Variants in SIN3A observed in about 807,000 individuals in gnomAD.
The protein encoded by SIN3A is paired amphipathic helix protein Sin3a.
A neutral mutation model predicts 146.1 loss-of-function variants in SIN3A; 14 were observed. The observed-to-expected ratio is 0.10, with a 90% confidence interval of 0.06 to 0.15. The LOEUF is 0.15. Ranked by LOEUF, SIN3A falls within the 10% of genes least tolerant of loss-of-function variation. The pLI, the probability that SIN3A is intolerant of heterozygous loss-of-function variation, is 1.00. For synonymous variants in SIN3A, 572 were observed against 572.0 expected, an observed-to-expected ratio of 1.00 and a Z score of 0.00; for missense variants, 1,028 against 1,576.0, an observed-to-expected ratio of 0.65 and a Z score of 5.89.
chr15:75,423,160 C>T (rs1361708711), intron 2 of SIN3A, among the ~76,000 whole-genome samples: 2 of 151,896 alleles, frequency 1.3e-5, no homozygotes, highest in Non-Finnish European at 2.9e-5. Flanking sequence ...CACCTGTGGT[C>T]CCACCTACTC....
Position 75,370,511 on chromosome 15 carries a change from CTAGTT to C in SIN3A, c.*1463_*1467del, listed in dbSNP as rs1265476626. On this transcript the variant is annotated 3_prime_UTR_variant, in exon 21 of 21. Transcript: ENST00000394947. ...CTAATCATTCATGTTTAAATGTCTG[CTAGTT>C]TAAATTTATGTAATTAAAAAAATAG... 1 of 152,120 alleles carries C rather than the reference CTAGTT, an allele frequency of 6.6e-6. No individual in the cohort carries two copies. Among genetic ancestry groups the C allele is most frequent in the South Asian group, 2.1e-4 (1 of 4,830 alleles). 9.4% of individuals were successfully genotyped at this position (152,120 alleles called of 1,614,324 possible).
intron 1 of SIN3A, among the ~76,000 whole-genome samples, chr15:75,442,028 G>C (rs886585590): frequency 7.1e-6 from 1 of 141,842 alleles, no homozygotes; most frequent in Admixed American, 7.7e-5. Flanking sequence ...GCTGAGGCAG[G>C]AGAATCGCTT....
At chr15:75,405,194 T>G (rs1595903159) in intron 9 of SIN3A, among the ~76,000 whole-genome samples, 1 of 145,888 alleles carries the variant, frequency 6.9e-6, no homozygotes, top group Non-Finnish European at 1.5e-5. Context: ...CAGTGAAACC[T>G]CATCTCTACT....
intron 12 of SIN3A, among the ~76,000 whole-genome samples, chr15:75,399,533 A>C (rs2073371713): frequency 7.4e-6 from 1 of 134,256 alleles, no homozygotes; most frequent in Admixed American, 7.2e-5. Context: ...GTCTCAAAAA[A>C]ACAAAACAAA....
At chr15:75,378,134 A>G (rs1221837300) in intron 19 of SIN3A, among the ~76,000 whole-genome samples, 3 of 152,256 alleles carry the variant, frequency 2.0e-5, no homozygotes, top group Non-Finnish European at 4.4e-5. Context: ...TTATTTTCCA[A>G]ATAGCCAATT....
chr15:75,372,668 A>C (rs1051155887), intron 20 of SIN3A, among the ~76,000 whole-genome samples: 2 of 151,882 alleles, frequency 1.3e-5, no homozygotes, highest in African/African-American at 4.8e-5. Context: ...CAAAAATACA[A>C]ATAATAACTG....
chr15:75,380,871 G>A, intron 18 of SIN3A, 148 bp from the exon 19 acceptor site: 3 of 614,622 alleles, frequency 4.9e-6, no homozygotes, highest in Admixed American at 2.4e-5. Context: ...AGACATGATT[G>A]TTAGTAGGTA....
intron 9 of SIN3A, among the ~76,000 whole-genome samples, 190 bp downstream of exon 9, chr15:75,406,865 C>T (rs2073526347): frequency 6.6e-6 from 1 of 152,174 alleles, no homozygotes; most frequent in Non-Finnish European, 1.5e-5. Context: ...CCAAAGCAAA[C>T]AATGCTACCA....
chr15:75,422,875 C>A, intron 2 of SIN3A, 52 bp from the exon 3 acceptor site: 1 of 1,541,134 alleles, frequency 6.5e-7, no homozygotes, highest in Non-Finnish European at 8.9e-7. Flanking sequence ...ACATTCTTCC[C>A]CAAATGAGTC....
In SIN3A at chr15:75,441,933, A is replaced by T. The variant is rs575804008; in HGVS notation, c.-34+9490T>A. 9.5e-4 allele frequency among the ~76,000 whole-genome samples: 144 copies of T among 151,972 alleles called. 5 individuals carry two copies. The South Asian group carries it at 0.03, about 31-fold the overall frequency. ...CAGGAGATTGAGACCATCCTGGCTA[A>T]AACGGTGAAACCCCATCTGTACCAA... On this transcript the variant is annotated intron_variant, in intron 1 of 20. Transcript: ENST00000394947.
chr15:75,409,254 A>T (rs909084103), intron 8 of SIN3A, among the ~76,000 whole-genome samples: 1 of 152,134 alleles, frequency 6.6e-6, no homozygotes, highest in African/African-American at 2.4e-5. Flanking sequence ...TCTTAGTAGC[A>T]ACCAAAACAT....
Position 75,392,841 on chromosome 15 carries a change from T to C in SIN3A, c.2278-26A>G, listed in dbSNP as rs970907957. 2.7e-6 allele frequency: 4 copies of C among 1,507,886 alleles called. No individual in the cohort carries two copies. In the Admixed American group the frequency reaches 5.3e-5, roughly 20 times the overall value. 93.4% of individuals were successfully genotyped at this position (1,507,886 alleles called of 1,614,324 possible). A position where few individuals can be genotyped will look rare whatever the true frequency, so the allele number is the denominator to read the frequency against. ...CTGATGGGACAGAGACACAAAAGTA[T>C]TCTGTGAGATGTCTACAGCGACAAC... On this transcript the variant is annotated intron_variant, in intron 14 of 20. Coordinates refer to ENST00000394947, the MANE Select transcript of SIN3A (RefSeq NM_001145358.2).
Position 75,410,310 on chromosome 15 carries a change from G to C in SIN3A, c.1009-24C>G, listed in dbSNP as rs376755436. 3.7e-4 allele frequency: 596 copies of C among 1,608,142 alleles called. 1 individual carries two copies. The highest frequency in any genetic ancestry group is 3.9e-4 in the Non-Finnish European group (463 of 1,177,194). ...TTCTGAGGAATTGCAAATGAAAAGA[G>C]ATCATTTGGGCTACTGTTTTGAGTC... On this transcript the variant is annotated intron_variant, in intron 6 of 20. Transcript: ENST00000394947.
At chr15:75,428,249 C>T (rs1444468138) in intron 2 of SIN3A, among the ~76,000 whole-genome samples, 3 of 152,130 alleles carry the variant, frequency 2.0e-5, no homozygotes, top group Admixed American at 2.0e-4. Flanking sequence ...GACTGGTTTC[C>T]AACAGGTTAA....
chr15:75,441,190 A>C (rs905272348), intron 1 of SIN3A, among the ~76,000 whole-genome samples: 1 of 151,836 alleles, frequency 6.6e-6, no homozygotes, highest in East Asian at 1.9e-4. Context: ...TGTGCCTATA[A>C]TCCCAGCTAC....
chr15:75,449,525 TCTG>T (rs1177365068), intron 1 of SIN3A, among the ~76,000 whole-genome samples: 1 of 152,210 alleles, frequency 6.6e-6, no homozygotes, highest in Non-Finnish European at 1.5e-5. Flanking sequence ...CTAATGTGGT[TCTG>T]CTATCTAAAT....
intron 2 of SIN3A, among the ~76,000 whole-genome samples, chr15:75,423,285 AG>A (rs1437136116): frequency 2.6e-5 from 4 of 152,172 alleles, no homozygotes; most frequent in African/African-American, 9.7e-5. Context: ...CTAAAAAAAA[AG>A]AAAGAAAAGA....
intron 1 of SIN3A, among the ~76,000 whole-genome samples, chr15:75,437,893 A>T (rs2074133842): frequency 6.6e-6 from 1 of 152,168 alleles, no homozygotes; most frequent in Non-Finnish European, 1.5e-5. Context: ...AGTGGCTTGC[A>T]CCTGTAATTC....
At chr15:75,448,175 TAAAAAA>T (rs59766455) in intron 1 of SIN3A, 17 of 134,016 alleles carry the variant, frequency 1.3e-4, no homozygotes, top group African/African-American at 2.9e-4. Context: ...AGACTTCGTC[TAAAAAA>T]AAAAAAAAAA....
Sources: allele counts gnomAD v4.1 joint callset (sites outside exome capture counted in the v4.1 genomes callset), GRCh38; gene constraint gnomAD v4.1.1; transcripts MANE v1.5; gene names NCBI Gene and HGNC (gene_info 2026-07-23, HGNC 2026-07-21).